The following SLC7A13 variants were observed in gnomAD, a reference collection of about 807,000 sequenced individuals.
SLC7A13 encodes the protein X-amino acid transporter 2.
In SLC7A13, 31 loss-of-function variants were observed where a neutral mutation model predicts 32.0. The observed-to-expected ratio is 0.97, with a 90% CI of 0.73 to 1.31. The LOEUF (loss-of-function observed/expected upper bound fraction) is 1.31. Among genes scored for constraint, SLC7A13 ranks in the 50% most tolerant of loss-of-function variants. SLC7A13 has a pLI of 0.00. For missense variants in SLC7A13, 633 were observed against 546.9 expected (o/e 1.16, Z -1.57); for synonymous variants, 232 against 206.9 (o/e 1.12, Z -1.04).
At chr8:86,223,249 C>T (rs1232079486) in intron 1 of SLC7A13, 146 bp from the exon 2 acceptor site, 8 of 758,372 alleles carry the variant, frequency 1.1e-5, no homozygotes, top group Non-Finnish European at 1.5e-5. Context: ...GTGGTCAAAT[C>T]AGAGTTTTAG....
In SLC7A13 at chr8:86,214,464, G is replaced by A. The variant is rs764170157; in HGVS notation, c.1362C>T (p.Cys454=). 3.1e-6 allele frequency: 5 copies of A among 1,610,826 alleles called. No homozygotes were observed. The highest frequency in any genetic ancestry group is 4.5e-5 in the East Asian group (2 of 44,780). The change falls in exon 4 of 4, where the codon TGC becomes TGT. Residue 454 remains cysteine (C), a synonymous_variant. Coordinates refer to ENST00000297524, the MANE Select transcript of SLC7A13 (RefSeq NM_138817.3). ...IRLAWFEKMT[C]YLQLLFNICL... is the part of the protein sequence containing the mutation. ...AAATATTAAATAGTAATTGTAAATAGCAAGTCATCTTCTCAAACCAAGCCA... is the reference window on the plus strand; with the variant it reads ...AAATATTAAATAGTAATTGTAAATAACAAGTCATCTTCTCAAACCAAGCCA...
chr8:86,222,959 T>C lies in SLC7A13; in HGVS notation c.817+13A>G. 1 of 1,582,738 alleles carries C rather than the reference T, an allele frequency of 6.3e-7. No individual in the cohort carries two copies. Among genetic ancestry groups the C allele is most frequent in the Non-Finnish European group, 8.6e-7 (1 of 1,166,782 alleles). The stretch of plus-strand genomic sequence containing the variant: ...AGCACTTTATTTATTGCTTTAGCCA[T>C]TTGCATACAAACCTGAAGAGAGAAT... On this transcript the variant is annotated intron_variant, in intron 2 of 3. Coordinates refer to ENST00000297524, the MANE Select transcript of SLC7A13 (RefSeq NM_138817.3).
Position 86,223,101 on chromosome 8 carries a change from C to T in SLC7A13, c.688G>A (p.Glu230Lys), listed in dbSNP as rs1323722762. 2 of 1,592,890 alleles carry T rather than the reference C, an allele frequency of 1.3e-6. No homozygotes were observed. Among genetic ancestry groups the T allele is most frequent in the Admixed American group, 1.8e-5 (1 of 56,912 alleles). ...GGACFTLIAG[E>K]LKKPRTTIPK... ...ATTGTTGTTCTGGGCTTCTTCAGCT[C>T]CCCTATAACACAAAAGAGGACACAA... Residue 230 changes from glutamate to lysine, a missense_variant and splice_region_variant, in exon 2 of 4, where the codon GAG becomes AAG. By Grantham distance (56) the Glu-to-Lys change is moderately conservative. Coordinates refer to ENST00000297524, the MANE Select transcript of SLC7A13 (RefSeq NM_138817.3).
At chr8:86,221,314 T>C (rs1278835680) in intron 2 of SLC7A13, among the ~76,000 whole-genome samples, 1 of 152,184 alleles carries the variant, frequency 6.6e-6, no homozygotes, top group Non-Finnish European at 1.5e-5. Flanking sequence ...GCTTATTGGA[T>C]ATTTTTATGG....
In SLC7A13 at chr8:86,217,510, CT is replaced by C. The variant is rs1563588242; in HGVS notation, c.1138del (p.Arg380GlyfsTer21). The C allele has an allele frequency of 6.3e-7, 1 of 1,599,472 alleles. No homozygotes were observed. The highest frequency in any genetic ancestry group is 8.5e-7 in the Non-Finnish European group (1 of 1,175,046). On this transcript the variant is annotated frameshift_variant, in exon 3 of 4. Transcript: ENST00000297524. LOFTEE classifies it low-confidence loss of function (END_TRUNC). ...WSILLMIGIL[R>X]RRYQEPNLSI... ...TAGATTGGGTTCCTGGTATCTCCGC[CT>C]TAGTATTCCTATCATTAATAATATA...
rs59500343 is a variant in SLC7A13, at chr8:86,217,954, T to C, written c.818-123A>G. 9.7e-4 allele frequency: 1,063 copies of C among 1,095,092 alleles called. 10 individuals carry two copies. The African/African-American group carries it at 0.016, about 16-fold the overall frequency. The allele number at this position is 1,095,092 out of a possible 1,614,324, so 67.8% of individuals were successfully genotyped here. On this transcript the variant is annotated intron_variant, in intron 2 of 3. Coordinates refer to ENST00000297524, the MANE Select transcript of SLC7A13 (RefSeq NM_138817.3). ...AGTAATTAATAACATTTAGTTTGCT[T>C]AATTTTATCATTTATTTCCTTAGTT...
chr8:86,219,195 C>T (rs1483486676), intron 2 of SLC7A13, among the ~76,000 whole-genome samples: 5 of 152,132 alleles, frequency 3.3e-5, no homozygotes, highest in Non-Finnish European at 5.9e-5. Flanking sequence ...ACCCATACCT[C>T]CACAAATTTC....
chr8:86,217,451 A>T lies in SLC7A13; in HGVS notation c.1179+19T>A, dbSNP rs759139064. Reference sequence around the variant, plus strand: ...TATCTGTTATTTCACACAGAAAAGAATTAGAAATCCAATTTTACCTTATAA... The same window carrying T: ...TATCTGTTATTTCACACAGAAAAGATTTAGAAATCCAATTTTACCTTATAA... On this transcript the variant is annotated intron_variant, in intron 3 of 3. Coordinates refer to ENST00000297524, the MANE Select transcript of SLC7A13 (RefSeq NM_138817.3). 17 of 1,516,868 alleles carry T rather than the reference A, an allele frequency of 1.1e-5. No individual in the cohort carries two copies. Among genetic ancestry groups the T allele is most frequent in the Admixed American group, 2.3e-5 (1 of 43,018 alleles). The allele number at this position is 1,516,868 out of a possible 1,614,324, so 94.0% of individuals were successfully genotyped here. A position where few individuals can be genotyped will look rare whatever the true frequency, so the allele number is the denominator to read the frequency against.
Position 86,214,383 on chromosome 8 carries a change from CAATTTTTT to C in SLC7A13, c.*22_*29del. On this transcript the variant is annotated 3_prime_UTR_variant, in exon 4 of 4. Coordinates refer to ENST00000297524, the MANE Select transcript of SLC7A13 (RefSeq NM_138817.3). ...ATCTGATATATGTTTTTTAGAAGGC[CAATTTTTT>C]AAGAGTTTGCACTTCCGACATCTAT... is the stretch of plus-strand genomic sequence containing the variant. 7.0e-7 allele frequency: 1 copy of C among 1,426,730 alleles called. No homozygotes were observed. Among genetic ancestry groups the C allele is most frequent in the Non-Finnish European group, 9.6e-7 (1 of 1,041,146 alleles). 88.4% of individuals were successfully genotyped at this position (1,426,730 alleles called of 1,614,324 possible). A position where few individuals can be genotyped will look rare whatever the true frequency, so the allele number is the denominator to read the frequency against.
chr8:86,218,952 C>T (rs1029542152), intron 2 of SLC7A13, among the ~76,000 whole-genome samples: 1 of 152,132 alleles, frequency 6.6e-6, no homozygotes, highest in Non-Finnish European at 1.5e-5. Flanking sequence ...CATCAACATA[C>T]TGGCTTATAA....
intron 1 of SLC7A13, among the ~76,000 whole-genome samples, chr8:86,226,835 T>A (rs145298495): frequency 5.8e-4 from 89 of 152,312 alleles, no homozygotes; most frequent in Admixed American, 1.4e-3. Flanking sequence ...CACTCATATT[T>A]TTCTGGAATT....
At chr8:86,228,730 C>A (rs375893157) in intron 1 of SLC7A13, among the ~76,000 whole-genome samples, 1 of 151,974 alleles carries the variant, frequency 6.6e-6, no homozygotes, top group Non-Finnish European at 1.5e-5. Context: ...CGTGTAGTCC[C>A]AGCTACTCTG....
intron 1 of SLC7A13, among the ~76,000 whole-genome samples, chr8:86,223,742 G>A (rs1329143689): frequency 6.6e-6 from 1 of 150,906 alleles, no homozygotes; most frequent in Non-Finnish European, 1.5e-5. Context: ...CAACAATTGG[G>A]CTAGGCTCTT....
chr8:86,219,782 T>A (rs1218559189), intron 2 of SLC7A13, among the ~76,000 whole-genome samples: 1 of 152,200 alleles, frequency 6.6e-6, no homozygotes, highest in East Asian at 1.9e-4. Flanking sequence ...CATTTCATAC[T>A]GTTTTATTTG....
intron 1 of SLC7A13, among the ~76,000 whole-genome samples, chr8:86,225,848 T>C (rs542371238): frequency 1.3e-5 from 2 of 152,200 alleles, no homozygotes; most frequent in African/African-American, 2.4e-5. Context: ...AGAGAATCAA[T>C]CAAGCCCAGA....
intron 1 of SLC7A13, among the ~76,000 whole-genome samples, chr8:86,226,356 AT>A (rs1820388414): frequency 6.6e-6 from 1 of 152,126 alleles, no homozygotes; most frequent in Admixed American, 6.6e-5. Context: ...TCTTTTCTCA[AT>A]ACCTTATTTT....
chr8:86,230,239 A>C lies in SLC7A13; in HGVS notation c.39T>G (p.Phe13Leu). The C allele has an allele frequency of 6.2e-7, 1 of 1,612,562 alleles. No individual in the cohort carries two copies. The highest frequency in any genetic ancestry group is 1.1e-5 in the South Asian group (1 of 90,760). Residue 13 changes from phenylalanine (F) to leucine (L), a missense_variant, in exon 1 of 4, where the codon TTT becomes TTG. Phe to Leu is a conservative substitution (Grantham distance 22, BLOSUM62 0). Coordinates refer to ENST00000297524, the MANE Select transcript of SLC7A13 (RefSeq NM_138817.3). ...AAAAACTTGTGCCCCACCAATATCCAAACACTCTCTTGAGCTGTATTTTCT... is the reference window on the plus strand; with the variant it reads ...AAAAACTTGTGCCCCACCAATATCCCAACACTCTCTTGAGCTGTATTTTCT... ...RGEKIQLKRV[F>L]GYWWGTSFLL...
intron 1 of SLC7A13, among the ~76,000 whole-genome samples, chr8:86,225,267 T>C (rs1325709664): frequency 6.6e-6 from 1 of 152,144 alleles, no homozygotes; most frequent in Non-Finnish European, 1.5e-5. Context: ...TCTGAGCTGA[T>C]TAAGAACTTG....
In SLC7A13 at chr8:86,229,818, T is replaced by C. The variant is rs142954513; in HGVS notation, c.460A>G (p.Lys154Glu). The stretch of plus-strand genomic sequence containing the variant: ...GCTATCTGAAGCCAAGTCACTTCTT[T>C]CACACCACGAGAAGTCAGAATTCCT... ...IVGILTSRGVKEVTWLQIASS... is the reference protein window; with the variant it reads ...IVGILTSRGVEEVTWLQIASS... The change falls in exon 1 of 4, where the codon AAA becomes GAA. Residue 154 changes from lysine (K) to glutamate (E), a missense_variant. By Grantham distance (56) the Lys-to-Glu change is moderately conservative (BLOSUM62 1). Coordinates refer to ENST00000297524, the MANE Select transcript of SLC7A13 (RefSeq NM_138817.3). 64 of 1,614,202 alleles carry C rather than the reference T, an allele frequency of 4.0e-5. No individual in the cohort carries two copies. In the African/African-American group the frequency reaches 6.5e-4, roughly 16 times the overall value.
Sources: gnomAD v4.1 joint callset for allele counts (sites outside exome capture counted in the v4.1 genomes callset) on GRCh38, gnomAD v4.1.1 for gene constraint, MANE v1.5 for transcripts, NCBI Gene and HGNC (gene_info 2026-07-23, HGNC 2026-07-21) for gene names.